Variants in PTPDC1 observed in about 807,000 individuals in gnomAD.
PTPDC1 encodes the protein protein tyrosine phosphatase domain containing 1, also known as protein tyrosine phosphatase domain-containing protein 1.
A neutral mutation model predicts 75.3 loss-of-function variants in PTPDC1; 53 were observed. The observed-to-expected ratio is 0.70, with a 90% CI of 0.56 to 0.88. The LOEUF (loss-of-function observed/expected upper bound fraction) is 0.88, where lower values mean the gene tolerates loss of function less well. PTPDC1 is among the 40% of genes least tolerant of loss of function. PTPDC1 has a pLI of 0.00. For synonymous variants in PTPDC1, 349 were observed against 366.2 expected (o/e 0.95, Z 0.54); for missense variants, 925 against 998.6 (o/e 0.93, Z 0.99).
At chr9:94,088,012 G>T (rs1827139008) in intron 3 of PTPDC1, 101 bp downstream of exon 3, 1 of 1,428,938 alleles carries the variant, frequency 7.0e-7, no homozygotes, top group South Asian at 1.2e-5. Context: ...TTAACAATAG[G>T]CAGTGAAGAG....
chr9:94,073,510 G>A (rs1225616775), intron 2 of PTPDC1, among the ~76,000 whole-genome samples: 4 of 152,052 alleles, frequency 2.6e-5, no homozygotes, highest in Non-Finnish European at 5.9e-5. Context: ...CTTGCTAGAG[G>A]TTTATCAATT....
chr9:94,085,374 C>G lies in PTPDC1; in HGVS notation c.368C>G (p.Ala123Gly). The G allele has an allele frequency of 6.2e-7, 1 of 1,614,200 alleles. No homozygotes were observed. The highest frequency in any genetic ancestry group is 8.5e-7 in the Non-Finnish European group (1 of 1,180,036). Residue 123 changes from alanine (A) to glycine (G), a missense_variant, in exon 2 of 9, where the codon GCC becomes GGC. Coordinates refer to ENST00000620992, the MANE Select transcript of PTPDC1 (RefSeq NM_001253829.2). Reference sequence around the variant, plus strand: ...AGAGCTTGCAAGTATGAGAACCCAGCCCGCTGGAGTGAGCAGGAGCAAGCC... The same window carrying G: ...AGAGCTTGCAAGTATGAGAACCCAGGCCGCTGGAGTGAGCAGGAGCAAGCC... ...GGRACKYENP[A>G]RWSEQEQAIK...
intron 1 of PTPDC1, among the ~76,000 whole-genome samples, chr9:94,053,433 G>T (rs923326448): frequency 3.9e-5 from 6 of 152,004 alleles, no homozygotes; most frequent in African/African-American, 4.8e-5. Flanking sequence ...CAGTTTAAAA[G>T]AAGACTATTT....
chr9:94,083,057 T>A (rs1826936957), upstream of PTPDC1, among the ~76,000 whole-genome samples: 1 of 152,108 alleles, frequency 6.6e-6, no homozygotes, highest in South Asian at 2.1e-4. Flanking sequence ...CATTCTGGAG[T>A]GCCACATACT....
At chr9:94,078,257 A>AT (rs1826760824) in intron 2 of PTPDC1, among the ~76,000 whole-genome samples, 1 of 152,074 alleles carries the variant, frequency 6.6e-6, no homozygotes, top group Non-Finnish European at 1.5e-5. Flanking sequence ...TTTCCCCTTC[A>AT]TTTTTGACAG....
intron 2 of PTPDC1, among the ~76,000 whole-genome samples, chr9:94,086,656 T>C (rs1369462785): frequency 1.3e-5 from 2 of 152,172 alleles, no homozygotes; most frequent in Non-Finnish European, 2.9e-5. Flanking sequence ...ACAAGAGTAA[T>C]AGTCATTTAT....
At chr9:94,096,295 C>T (rs1458598605) in intron 5 of PTPDC1, among the ~76,000 whole-genome samples, 1 of 152,122 alleles carries the variant, frequency 6.6e-6, no homozygotes, top group African/African-American at 2.4e-5. Flanking sequence ...ATTAGTAGCT[C>T]TTAGGATCAA....
intron 8 of PTPDC1, 129 bp from the exon 9 acceptor site, chr9:94,107,699 A>C: frequency 2.1e-6 from 1 of 472,636 alleles, no homozygotes; most frequent in East Asian, 3.4e-5. Flanking sequence ...TGTGAAATTT[A>C]TTATGTGTAT....
intron 2 of PTPDC1, among the ~76,000 whole-genome samples, chr9:94,073,965 C>T (rs1182723693): frequency 6.6e-6 from 1 of 152,068 alleles, no homozygotes; most frequent in Non-Finnish European, 1.5e-5. Flanking sequence ...CTGTATGATT[C>T]CAGTTATTCT....
At chr9:94,062,754 C>T (rs1826181217) in intron 1 of PTPDC1, among the ~76,000 whole-genome samples, 1 of 152,190 alleles carries the variant, frequency 6.6e-6, no homozygotes, top group Admixed American at 6.5e-5. Flanking sequence ...CCCACAGGCC[C>T]CACCTCCAAC....
Position 94,089,348 on chromosome 9 carries a change from G to A in PTPDC1, c.616+1085G>A, listed in dbSNP as rs374704336. 1.1e-4 allele frequency among the ~76,000 whole-genome samples: 16 copies of A among 149,836 alleles called. No homozygotes were observed. The East Asian group carries it at 2.0e-3, about 19-fold the overall frequency. ...TGCGGTGTTTGCTTTTTGTTCTTGCGATAGTTTACTGAGAATGATGATTTC... is the reference window on the plus strand; with the variant it reads ...TGCGGTGTTTGCTTTTTGTTCTTGCAATAGTTTACTGAGAATGATGATTTC... On this transcript the variant is annotated intron_variant, in intron 4 of 8. Transcript: ENST00000620992.
At chr9:94,098,731 G>A (rs373750103) in intron 6 of PTPDC1, 152 bp downstream of exon 6, 29 of 684,936 alleles carry the variant, frequency 4.2e-5, no homozygotes, top group African/African-American at 7.2e-5. Context: ...TCTCTGATGC[G>A]AACCTGATGT....
chr9:94,069,080 A>G (rs1046749566), intron 2 of PTPDC1, among the ~76,000 whole-genome samples: 3 of 151,910 alleles, frequency 2.0e-5, no homozygotes, highest in Non-Finnish European at 2.9e-5. Flanking sequence ...GAAATCAGCC[A>G]TTTCTTCAAG....
At chr9:94,085,125 C>T (rs972561959) in intron 1 of PTPDC1, 126 bp from the exon 2 acceptor site, 3 of 794,506 alleles carry the variant, frequency 3.8e-6, no homozygotes, top group African/African-American at 3.5e-5. Flanking sequence ...GTTTTCTTGA[C>T]AAGATGAAGG....
At chr9:94,063,957 G>A (rs12004383) in intron 1 of PTPDC1, among the ~76,000 whole-genome samples, 31 of 152,076 alleles carry the variant, frequency 2.0e-4, no homozygotes, top group Admixed American at 1.6e-3. Flanking sequence ...TAGAAAAAAC[G>A]TTTGAATCGT....
chr9:94,066,755 A>G (rs1826320352), intron 2 of PTPDC1, among the ~76,000 whole-genome samples: 1 of 151,838 alleles, frequency 6.6e-6, no homozygotes, highest in South Asian at 2.1e-4. Flanking sequence ...ATGGGGTTTC[A>G]CCATGTTGGC....
chr9:94,070,055 C>A (rs553877268), intron 2 of PTPDC1, among the ~76,000 whole-genome samples: 2 of 150,552 alleles, frequency 1.3e-5, no homozygotes, highest in Non-Finnish European at 3.0e-5. Flanking sequence ...GATCTCCTGA[C>A]CTCGTGATCC....
intron 1 of PTPDC1, among the ~76,000 whole-genome samples, chr9:94,051,685 G>A (rs1427510312): frequency 6.6e-6 from 1 of 152,072 alleles, no homozygotes; most frequent in Non-Finnish European, 1.5e-5. Flanking sequence ...TCCCCTTGAG[G>A]GAGTTTTAAT....
In PTPDC1 at chr9:94,036,861, G is replaced by A. The variant is rs115210872; in HGVS notation, c.-7+5734G>A. ...ATTTCTATACATTACAATTCAAGCAGCACCATTTGTTCCCTTGACGCCTGT... is the reference window on the plus strand; with the variant it reads ...ATTTCTATACATTACAATTCAAGCAACACCATTTGTTCCCTTGACGCCTGT... On this transcript the variant is annotated intron_variant, in intron 1 of 9. Transcript: ENST00000375360. 2.7e-3 allele frequency among the ~76,000 whole-genome samples: 410 copies of A among 152,290 alleles called. 2 individuals carry two copies. Among genetic ancestry groups the A allele is most frequent in the African/African-American group, 9.5e-3 (393 of 41,554 alleles).
Sources: allele counts gnomAD v4.1 joint callset (sites outside exome capture counted in the v4.1 genomes callset), GRCh38; gene constraint gnomAD v4.1.1; transcripts MANE v1.5; gene names NCBI Gene and HGNC (gene_info 2026-07-23, HGNC 2026-07-21).